The following KAZN variants were observed in gnomAD, a reference collection of about 807,000 sequenced individuals.
KAZN encodes kazrin, periplakin interacting protein.
Under a neutral mutation model 87.4 loss-of-function variants are expected in KAZN, and 40 were observed. That is an observed-to-expected ratio of 0.46 (90% confidence interval 0.36 to 0.60). The LOEUF is 0.60. Ranked by LOEUF, KAZN falls within the 20% of genes least tolerant of loss-of-function variation. KAZN has a pLI of 0.00. For missense variants in KAZN, 898 were observed against 1,073.9 expected, an observed-to-expected ratio of 0.84 and a Z score of 2.29; for synonymous variants, 466 against 458.3, an observed-to-expected ratio of 1.02 and a Z score of -0.22.
intron 1 of KAZN, among the ~76,000 whole-genome samples, chr1:14,704,104 C>G (rs1161551285): frequency 1.3e-5 from 2 of 152,182 alleles, no homozygotes; most frequent in Non-Finnish European, 2.9e-5. Flanking sequence ...CAAACTTATC[C>G]TTCAAGTAAG....
intron 1 of KAZN, among the ~76,000 whole-genome samples, chr1:14,737,696 C>G (rs1440318600): frequency 6.6e-6 from 1 of 152,208 alleles, no homozygotes; most frequent in Non-Finnish European, 1.5e-5. Flanking sequence ...TCCAGGTCCT[C>G]TTTCGAGCTC....
At chr1:15,098,446 A>G (rs564744571) in intron 10 of KAZN, among the ~76,000 whole-genome samples, 2 of 152,372 alleles carry the variant, frequency 1.3e-5, no homozygotes, top group South Asian at 2.1e-4. Context: ...ATTGCTGATT[A>G]TGGATGGGCC....
At chr1:13,991,117 G>A (rs1282420189) in intron 1 of KAZN, among the ~76,000 whole-genome samples, 2 of 152,110 alleles carry the variant, frequency 1.3e-5, no homozygotes, top group African/African-American at 2.4e-5. Flanking sequence ...GCTGGTAAAT[G>A]TTTAACAGCC....
rs192932093 is a variant in KAZN, at chr1:15,021,891, T to C, written c.419-12858T>C. On this transcript the variant is annotated intron_variant, in intron 2 of 14. Transcript: ENST00000376030. This position sits in a 1 kb window ranked among gnomAD's most constrained non-coding sequence, Gnocchi z 4.2. ...AGGACATTTACAAAGAAAAAGAGGT[T>C]GGGGAGGCCTCATAATCATGGCGGA... 8.2e-5 allele frequency among the ~76,000 whole-genome samples: 12 copies of C among 146,810 alleles called. No homozygotes were observed. In the East Asian group the frequency reaches 2.3e-3, roughly 28 times the overall value.
intron 1 of KAZN, among the ~76,000 whole-genome samples, chr1:14,601,719 T>C (rs1006856911): frequency 6.6e-6 from 1 of 152,236 alleles, no homozygotes; most frequent in African/African-American, 2.4e-5. Flanking sequence ...ATTAGTCTTG[T>C]GTTTTCATTT....
At chr1:14,144,840 C>T (rs1645312269) in intron 1 of KAZN, among the ~76,000 whole-genome samples, 1 of 152,110 alleles carries the variant, frequency 6.6e-6, no homozygotes, top group Non-Finnish European at 1.5e-5. Flanking sequence ...AGCACTCTTG[C>T]AGGAACTAAC....
chr1:14,624,437 CA>C (rs200194897), intron 1 of KAZN, among the ~76,000 whole-genome samples: 1 of 150,134 alleles, frequency 6.7e-6, no homozygotes, highest in African/African-American at 2.5e-5. Flanking sequence ...AAAAAAAAAA[CA>C]ACAAAAAAAA....
At chr1:14,296,918 C>T (rs1397230602) in intron 2 of KAZN, among the ~76,000 whole-genome samples, 1 of 152,086 alleles carries the variant, frequency 6.6e-6, no homozygotes, top group African/African-American at 2.4e-5. Context: ...TGTGGCATTT[C>T]ATTCTTAAAA....
At chr1:14,978,344 T>G (rs1665878484) in intron 2 of KAZN, among the ~76,000 whole-genome samples, 1 of 151,976 alleles carries the variant, frequency 6.6e-6, no homozygotes, top group Non-Finnish European at 1.5e-5. Flanking sequence ...AAGAGCAGAG[T>G]CTGGCTGGCT....
Position 14,180,307 on chromosome 1 carries a change from A to G in KAZN, c.92-128A>G. On this transcript the variant is annotated intron_variant, in intron 1 of 16. Coordinates refer to the KAZN transcript ENST00000636203. ...GTTAATGGAATTTATAGATGTGTCA[A>G]GTTCTTGATACATGCCTGGCTTAGA... is the stretch of plus-strand genomic sequence containing the variant. 4.2e-6 allele frequency: 3 copies of G among 717,090 alleles called. No homozygotes were observed. In the South Asian group the frequency reaches 6.1e-5, roughly 15 times the overall value. 44.4% of individuals were successfully genotyped at this position (717,090 alleles called of 1,614,324 possible).
At chr1:14,598,364 C>A (rs1676647018), upstream of KAZN, among the ~76,000 whole-genome samples, 1 of 152,156 alleles carries the variant, frequency 6.6e-6, no homozygotes, top group Non-Finnish European at 1.5e-5. The surrounding 1 kb of genome is among the most constrained non-coding windows in gnomAD (Gnocchi z 4.2). Flanking sequence ...TTTCCAAGCA[C>A]CCTCTCTTCC....
chr1:14,040,422 T>C (rs1394754581), intron 1 of KAZN, among the ~76,000 whole-genome samples: 1 of 152,060 alleles, frequency 6.6e-6, no homozygotes, highest in African/African-American at 2.4e-5. Flanking sequence ...TCCATTAGAC[T>C]CGAATAGGCT....
chr1:14,314,831 A>T (rs1157253730), intron 2 of KAZN, among the ~76,000 whole-genome samples: 2 of 151,950 alleles, frequency 1.3e-5, no homozygotes, highest in African/African-American at 4.8e-5. Flanking sequence ...GCCACTCCCC[A>T]TTCTCCCTTC....
rs551266571 is a variant in KAZN, at chr1:14,267,257, T to C, written c.249+86665T>C. 2.9e-4 allele frequency among the ~76,000 whole-genome samples: 44 copies of C among 151,382 alleles called. No homozygotes were observed. The South Asian group carries it at 6.3e-3, about 22-fold the overall frequency. The stretch of plus-strand genomic sequence containing the variant: ...TTAGGTATTGTAAGTAATCTAGAGT[T>C]GATTTAAAGGAGGGGTGTCCAAACT... On this transcript the variant is annotated intron_variant, in intron 2 of 16. Transcript: ENST00000636203.
chr1:14,670,173 A>C (rs1478425770), intron 1 of KAZN, among the ~76,000 whole-genome samples: 1 of 147,008 alleles, frequency 6.8e-6, no homozygotes, highest in East Asian at 2.1e-4. Flanking sequence ...GCTTTTAGGC[A>C]AAAACTTAGA....
chr1:14,330,485 T>C (rs529026608), intron 2 of KAZN, among the ~76,000 whole-genome samples: 17 of 152,266 alleles, frequency 1.1e-4, no homozygotes, highest in African/African-American at 3.4e-4. Context: ...CTCTCTCCCA[T>C]TAATCCCTTG....
chr1:14,443,706 C>CA (rs2148317141), intron 2 of KAZN, among the ~76,000 whole-genome samples: 1 of 152,320 alleles, frequency 6.6e-6, no homozygotes, highest in South Asian at 2.1e-4. Context: ...GAGCCTCCCA[C>CA]AGGGATGTGG....
intron 2 of KAZN, among the ~76,000 whole-genome samples, chr1:14,380,744 G>A (rs1437536934): frequency 6.6e-6 from 1 of 152,040 alleles, no homozygotes; most frequent in Non-Finnish European, 1.5e-5. Flanking sequence ...CCCCAAAAGG[G>A]CAAATCTAAA....
At chr1:14,974,126 C>T (rs984246006) in intron 2 of KAZN, among the ~76,000 whole-genome samples, 6 of 151,926 alleles carry the variant, frequency 3.9e-5, no homozygotes, top group African/African-American at 1.5e-4. Flanking sequence ...GCATAGTAGT[C>T]AGACTTTGTA....
Sources: gnomAD v4.1 joint callset for allele counts (sites outside exome capture counted in the v4.1 genomes callset) on GRCh38, gnomAD v4.1.1 for gene constraint, Gnocchi (gnomAD v3.1) non-coding constraint, MANE v1.5 for transcripts, NCBI Gene and HGNC (gene_info 2026-07-23, HGNC 2026-07-21) for gene names.